Variants in RPS6KC1 observed in about 807,000 individuals in gnomAD.
RPS6KC1 encodes ribosomal protein S6 kinase C1.
Under a neutral mutation model 103.8 loss-of-function variants are expected in RPS6KC1, and 54 were observed. The observed-to-expected ratio is 0.52, with a 90% CI of 0.42 to 0.65. The LOEUF (loss-of-function observed/expected upper bound fraction) is 0.65. Among genes scored for constraint, RPS6KC1 ranks in the 30% least tolerant of loss-of-function variants. The probability of loss-of-function intolerance (pLI) is 0.00; values close to 1 mark genes in which losing one functional copy is unlikely to be tolerated. For synonymous variants in RPS6KC1, 439 were observed against 438.7 expected (o/e 1.00, Z -0.01); for missense variants, 1,151 against 1,253.8 (o/e 0.92, Z 1.24).
chr1:213,458,109 G>A, the RPS6KC1 span, among the ~76,000 whole-genome samples: 2 of 152,190 alleles, frequency 1.3e-5, no homozygotes, highest in African/African-American at 4.8e-5. Flanking sequence ...CAGGTAGTGA[G>A]CATAGTACTC....
At chr1:213,274,944 A>G (rs1573769922), downstream of RPS6KC1, among the ~76,000 whole-genome samples, 1 of 152,162 alleles carries the variant, frequency 6.6e-6, no homozygotes, top group South Asian at 2.1e-4. Context: ...CTCTGTACCC[A>G]CTAAACAATA....
chr1:213,315,489 A>C, the RPS6KC1 span, among the ~76,000 whole-genome samples: 4 of 152,260 alleles, frequency 2.6e-5, no homozygotes, highest in Non-Finnish European at 5.9e-5. Flanking sequence ...ATAGATATTA[A>C]GGGCTATTTC....
At chr1:213,703,439 T>G in the RPS6KC1 span, among the ~76,000 whole-genome samples, 1 of 152,178 alleles carries the variant, frequency 6.6e-6, no homozygotes, top group Non-Finnish European at 1.5e-5. Context: ...TTATTACCAA[T>G]GAGTTCTGTA....
intron 1 of RPS6KC1, among the ~76,000 whole-genome samples, chr1:213,060,988 A>C (rs1401958599): frequency 6.6e-6 from 1 of 151,926 alleles, no homozygotes; most frequent in East Asian, 1.9e-4. Flanking sequence ...CCAAGAGGCC[A>C]GCAGATTTAA....
chr1:213,190,376 T>C (rs1307027010), intron 8 of RPS6KC1, among the ~76,000 whole-genome samples: 2 of 152,186 alleles, frequency 1.3e-5, no homozygotes, highest in Admixed American at 1.3e-4. Context: ...CTAATTATAG[T>C]TTTGATTTGC....
Position 213,242,168 on chromosome 1 carries a change from A to G in RPS6KC1, c.2692A>G (p.Arg898Gly), listed in dbSNP as rs1054787801. The change falls in exon 11 of 15, where the codon AGG (arginine) becomes GGG (glycine). Residue 898 changes from arginine (R) to glycine (G), a missense_variant. Coordinates refer to ENST00000366960, the MANE Select transcript of RPS6KC1 (RefSeq NM_012424.6). ...TGATAAAAAATTAGCACTAGCCTCC[A>G]GGTTTTACATCCCAGAGGGCTGCAT... ...DLDKKLALASRFYIPEGCIQR... is the reference protein window; with the variant it reads ...DLDKKLALASGFYIPEGCIQR... 1.9e-6 allele frequency: 3 copies of G among 1,613,960 alleles called. No homozygotes were observed. In the Admixed American group the frequency reaches 5.0e-5, roughly 27 times the overall value.
At chr1:213,561,292 G>A in the RPS6KC1 span, among the ~76,000 whole-genome samples, 8 of 152,040 alleles carry the variant, frequency 5.3e-5, no homozygotes, top group Non-Finnish European at 1.2e-4. Context: ...CTATTTATGT[G>A]CTGTGGTTCT....
the RPS6KC1 span, among the ~76,000 whole-genome samples, chr1:213,810,684 C>T: frequency 1.6e-3 from 241 of 152,284 alleles, 1 homozygote; most frequent in African/African-American, 4.8e-3. Context: ...ATATCTACTC[C>T]AACCACCAAC....
chr1:213,554,848 T>G, the RPS6KC1 span, among the ~76,000 whole-genome samples: 1 of 152,220 alleles, frequency 6.6e-6, no homozygotes, highest in African/African-American at 2.4e-5. Flanking sequence ...ATACTCAAAT[T>G]GTCCATTATG....
the RPS6KC1 span, among the ~76,000 whole-genome samples, chr1:213,552,035 A>G: frequency 2.0e-5 from 3 of 152,116 alleles, no homozygotes; most frequent in Non-Finnish European, 4.4e-5. Flanking sequence ...TTGATAGCCC[A>G]TTTCTTTTTA....
chr1:213,540,489 G>T, the RPS6KC1 span, among the ~76,000 whole-genome samples: 1 of 152,124 alleles, frequency 6.6e-6, no homozygotes, highest in Non-Finnish European at 1.5e-5. Flanking sequence ...GACCACAGGT[G>T]CATACCACCA....
chr1:213,748,610 G>A, the RPS6KC1 span, among the ~76,000 whole-genome samples: 1 of 152,212 alleles, frequency 6.6e-6, no homozygotes, highest in East Asian at 1.9e-4. Flanking sequence ...TGTATCTCAG[G>A]GTTTCTAGTG....
the RPS6KC1 span, among the ~76,000 whole-genome samples, chr1:213,336,664 T>A: frequency 6.6e-6 from 1 of 152,198 alleles, no homozygotes; most frequent in Non-Finnish European, 1.5e-5. Flanking sequence ...GAGCAGATAT[T>A]ACTCTTATTC....
At chr1:213,128,722 A>T (rs1235536677) in intron 5 of RPS6KC1, among the ~76,000 whole-genome samples, 1 of 152,226 alleles carries the variant, frequency 6.6e-6, no homozygotes, top group African/African-American at 2.4e-5. Context: ...TACATTTTCC[A>T]GTTACGGATG....
the RPS6KC1 span, among the ~76,000 whole-genome samples, chr1:213,325,859 C>G: frequency 6.6e-6 from 1 of 152,216 alleles, no homozygotes; most frequent in African/African-American, 2.4e-5. Context: ...TTCTTTCGTT[C>G]ACAGGATCAT....
chr1:213,827,736 G>C, the RPS6KC1 span, among the ~76,000 whole-genome samples: 1 of 152,114 alleles, frequency 6.6e-6, no homozygotes, highest in South Asian at 2.1e-4. Context: ...TCACCATCAG[G>C]GATGAGCCAG....
intron 6 of RPS6KC1, 109 bp downstream of exon 6, chr1:213,129,998 T>C (rs1393440227): frequency 1.1e-5 from 12 of 1,129,800 alleles, no homozygotes; most frequent in South Asian, 1.7e-5. Flanking sequence ...ATACTGAAAA[T>C]GAGAAATTAC....
chr1:213,330,349 T>C, the RPS6KC1 span, among the ~76,000 whole-genome samples: 1 of 152,228 alleles, frequency 6.6e-6, no homozygotes, highest in South Asian at 2.1e-4. Context: ...TGCTGGGTAC[T>C]AGGATATCAG....
chr1:213,169,183 T>G (rs1217259682), intron 7 of RPS6KC1, among the ~76,000 whole-genome samples: 2 of 152,204 alleles, frequency 1.3e-5, no homozygotes, highest in Non-Finnish European at 2.9e-5. Flanking sequence ...CCCCTTCATA[T>G]ACCGGCTTAT....
Sources: allele counts gnomAD v4.1 joint callset (sites outside exome capture counted in the v4.1 genomes callset), GRCh38; gene constraint gnomAD v4.1.1; transcripts MANE v1.5; gene names NCBI Gene and HGNC (gene_info 2026-07-23, HGNC 2026-07-21).